Variants in GPC5 observed in about 807,000 individuals in gnomAD.
GPC5 encodes the protein glypican-5.
In GPC5, 47 loss-of-function variants were observed where a neutral mutation model predicts 53.9. The ratio of observed to expected loss-of-function variants is 0.87; its 90% CI spans 0.69 to 1.11. The LOEUF (loss-of-function observed/expected upper bound fraction) is 1.11, where lower values mean the gene tolerates loss of function less well. GPC5 is among the 50% of genes most tolerant of loss of function. The pLI is 0.00. For synonymous variants in GPC5, 286 were observed against 263.3 expected (o/e 1.09, Z -0.84); for missense variants, 748 against 713.1 (o/e 1.05, Z -0.56).
At chr13:92,789,224 T>C (rs1876373286) in intron 7 of GPC5, among the ~76,000 whole-genome samples, 1 of 152,092 alleles carries the variant, frequency 6.6e-6, no homozygotes, top group African/African-American at 2.4e-5. Context: ...GCAATTCCAC[T>C]GTTCTCATGA....
chr13:92,825,700 C>T (rs897062795), intron 7 of GPC5, among the ~76,000 whole-genome samples: 1 of 152,042 alleles, frequency 6.6e-6, no homozygotes, highest in Non-Finnish European at 1.5e-5. Context: ...CTCTTAACTC[C>T]ATTCTGATTC....
intron 7 of GPC5, among the ~76,000 whole-genome samples, chr13:92,247,481 T>C (rs1172848056): frequency 6.6e-6 from 1 of 152,158 alleles, no homozygotes; most frequent in Non-Finnish European, 1.5e-5. Flanking sequence ...CTGTTAAGAT[T>C]GTCTTGTTTA....
At chr13:91,990,681 T>C (rs1261369470) in intron 6 of GPC5, among the ~76,000 whole-genome samples, 1 of 152,226 alleles carries the variant, frequency 6.6e-6, no homozygotes, top group Non-Finnish European at 1.5e-5. Context: ...CTGTGCACAG[T>C]GTATCATGCG....
At chr13:92,006,304 T>A (rs2040606288) in intron 6 of GPC5, among the ~76,000 whole-genome samples, 1 of 152,144 alleles carries the variant, frequency 6.6e-6, no homozygotes. Context: ...CAGAAATATA[T>A]GTATATTTTG....
intron 2 of GPC5, among the ~76,000 whole-genome samples, chr13:91,610,819 G>T (rs1188540290): frequency 6.6e-6 from 1 of 152,128 alleles, no homozygotes; most frequent in African/African-American, 2.4e-5. Context: ...GTGGGCAAAG[G>T]TTGTTATGTT....
At chr13:92,740,960 GTA>G (rs1555308306) in intron 7 of GPC5, among the ~76,000 whole-genome samples, 1 of 117,700 alleles carries the variant, frequency 8.5e-6, no homozygotes, top group African/African-American at 3.3e-5. Context: ...ATATGTATGT[GTA>G]TATATATATC....
At position 92,693,694 on chromosome 13, in the gene GPC5, T is replaced by C. The variant is rs138625873; in HGVS notation, c.1562-172588T>C. On this transcript the variant is annotated intron_variant, in intron 7 of 7. Coordinates refer to ENST00000377067, the MANE Select transcript of GPC5 (RefSeq NM_004466.6). ...AAGAGAGTATCTGAAACTGAAACTT[T>C]TATTTAAAAGGGAAGAGAGCATAAA... Among the ~76,000 whole-genome samples the C allele has an allele frequency of 6.4e-3, 974 of 152,274 alleles. 7 individuals are homozygous for C. Among genetic ancestry groups the C allele is most frequent in the Middle Eastern group, 0.027 (8 of 294 alleles).
At chr13:91,472,331 C>G (rs1882682560) in intron 2 of GPC5, among the ~76,000 whole-genome samples, 7 of 152,120 alleles carry the variant, frequency 4.6e-5, no homozygotes, top group Admixed American at 4.6e-4. Flanking sequence ...GGCATGATCT[C>G]TGGAGTCCTA....
intron 6 of GPC5, among the ~76,000 whole-genome samples, chr13:92,035,282 C>A (rs961401162): frequency 6.6e-6 from 1 of 151,898 alleles, no homozygotes; most frequent in Non-Finnish European, 1.5e-5. Flanking sequence ...ACACGGGGCA[C>A]GGGACGTTCA....
intron 6 of GPC5, among the ~76,000 whole-genome samples, chr13:92,116,266 CA>C (rs1195704537): frequency 0.013 from 152 of 11,572 alleles, no homozygotes; most frequent in African/African-American, 0.015. Context: ...AACAAACAAA[CA>C]AACAAAAAAA....
chr13:92,515,100 G>C (rs150002111), intron 7 of GPC5, among the ~76,000 whole-genome samples: 1 of 152,286 alleles, frequency 6.6e-6, no homozygotes, highest in African/African-American at 2.4e-5. Context: ...GGTAAAACCA[G>C]TAAAGAGAAT....
At chr13:91,583,362 G>A (rs1359251922) in intron 2 of GPC5, among the ~76,000 whole-genome samples, 1 of 152,034 alleles carries the variant, frequency 6.6e-6, no homozygotes, top group Non-Finnish European at 1.5e-5. Flanking sequence ...GTGAACATGA[G>A]GTTAATATTA....
At chr13:91,430,500 A>G (rs1879368620) in intron 1 of GPC5, among the ~76,000 whole-genome samples, 1 of 152,210 alleles carries the variant, frequency 6.6e-6, no homozygotes, top group Admixed American at 6.5e-5. Flanking sequence ...GACTGGATTA[A>G]GGATACTTTC....
chr13:91,884,340 G>GAATCAACAT (rs1483500862), intron 5 of GPC5, among the ~76,000 whole-genome samples: 1 of 152,142 alleles, frequency 6.6e-6, no homozygotes, highest in African/African-American at 2.4e-5. Flanking sequence ...CAAAGGCATG[G>GAATCAACAT]AATCAACATA....
At chr13:92,583,258 C>T (rs1230988906) in intron 7 of GPC5, among the ~76,000 whole-genome samples, 2 of 152,078 alleles carry the variant, frequency 1.3e-5, no homozygotes, top group Non-Finnish European at 2.9e-5. Context: ...TTATTTTTGT[C>T]CTTCATTCTG....
intron 2 of GPC5, among the ~76,000 whole-genome samples, chr13:91,572,862 G>A (rs144154652): frequency 7.9e-4 from 120 of 152,164 alleles, no homozygotes; most frequent in African/African-American, 2.8e-3. Context: ...AATTCTTATG[G>A]TGTGCTTATT....
At chr13:92,521,952 C>G (rs1432494542) in intron 7 of GPC5, among the ~76,000 whole-genome samples, 1 of 152,072 alleles carries the variant, frequency 6.6e-6, no homozygotes, top group Non-Finnish European at 1.5e-5. Context: ...ACAACCCCAT[C>G]AACAAGTGGG....
At chr13:92,847,427 C>T (rs965734596) in intron 7 of GPC5, among the ~76,000 whole-genome samples, 1 of 152,030 alleles carries the variant, frequency 6.6e-6, no homozygotes, top group Non-Finnish European at 1.5e-5. Context: ...GAAGTGATTA[C>T]ATCATGGGGG....
At position 91,608,747 on chromosome 13, in the gene GPC5, C is replaced by T. The variant is rs368915065; in HGVS notation, c.326-84440C>T. ...TAAATAGATATGAGGTAAAAGAGAA[C>T]CAATATTTGCTCATTTAAATTATAT... On this transcript the variant is annotated intron_variant, in intron 2 of 7. Transcript: ENST00000377067. 3.3e-5 allele frequency among the ~76,000 whole-genome samples: 5 copies of T among 151,762 alleles called. No individual in the cohort carries two copies. The East Asian group carries it at 7.8e-4, about 24-fold the overall frequency.
Sources: allele counts gnomAD v4.1 joint callset (sites outside exome capture counted in the v4.1 genomes callset), GRCh38; gene constraint gnomAD v4.1.1; transcripts MANE v1.5; gene names NCBI Gene and HGNC (gene_info 2026-07-23, HGNC 2026-07-21).